Variants in CSNK1G3 observed in about 807,000 individuals in gnomAD.
CSNK1G3 encodes the protein casein kinase 1 gamma 3, also known as casein kinase I isoform gamma-3.
CSNK1G3 carries 23 observed loss-of-function variants against 64.3 expected under a neutral mutation model. The observed-to-expected ratio is 0.36, with a 90% CI of 0.26 to 0.51. CSNK1G3 has a LOEUF of 0.51. Among genes scored for constraint, CSNK1G3 ranks in the 20% least tolerant of loss-of-function variants. The probability of loss-of-function intolerance (pLI) is 0.96; values close to 1 mark genes in which losing one functional copy is unlikely to be tolerated. For missense variants in CSNK1G3, 357 were observed against 510.5 expected, an observed-to-expected ratio of 0.70 and a Z score of 2.90; for synonymous variants, 158 against 162.2, an observed-to-expected ratio of 0.97 and a Z score of 0.20.
intron 12 of CSNK1G3, among the ~76,000 whole-genome samples, 173 bp from the exon 14 acceptor site, chr5:123,614,169 T>C (rs1749040489): frequency 6.6e-6 from 1 of 152,226 alleles, no homozygotes; most frequent in Non-Finnish European, 1.5e-5. Context: ...GAATGAAACA[T>C]AATAGTAATA....
chr5:123,577,592 C>G (rs1789429551), intron 6 of CSNK1G3, among the ~76,000 whole-genome samples: 1 of 151,614 alleles, frequency 6.6e-6, no homozygotes, highest in Non-Finnish European at 1.5e-5. Context: ...TCACTACTTA[C>G]AATATATTTA....
chr5:123,517,931 GAAAAA>G (rs529062252), intron 1 of CSNK1G3, among the ~76,000 whole-genome samples: 3 of 106,488 alleles, frequency 2.8e-5, no homozygotes, highest in Non-Finnish European at 6.1e-5. Context: ...TCCTCTTTAA[GAAAAA>G]AAAAAAAAAA....
At chr5:123,592,997 A>G (rs1362441200) in intron 10 of CSNK1G3, among the ~76,000 whole-genome samples, 1 of 151,920 alleles carries the variant, frequency 6.6e-6, no homozygotes, top group African/African-American at 2.4e-5. Context: ...ATTCTTTGAA[A>G]TTCTCCACTT....
At chr5:123,535,509 T>C (rs1240574733) in intron 1 of CSNK1G3, among the ~76,000 whole-genome samples, 1 of 152,068 alleles carries the variant, frequency 6.6e-6, no homozygotes, top group Non-Finnish European at 1.5e-5. Flanking sequence ...ATACTAAGAC[T>C]CTTACTAAGA....
intron 4 of CSNK1G3, among the ~76,000 whole-genome samples, chr5:123,561,068 C>T (rs1048295338): frequency 2.6e-5 from 4 of 152,008 alleles, no homozygotes; most frequent in African/African-American, 4.8e-5. Context: ...TGGTTTTGCC[C>T]GTTTGGGTTT....
At chr5:123,593,823 T>TA (rs1792901487) in intron 10 of CSNK1G3, among the ~76,000 whole-genome samples, 1 of 152,284 alleles carries the variant, frequency 6.6e-6, no homozygotes, top group African/African-American at 2.4e-5. Context: ...TTCATGTGTC[T>TA]ACTTGAATTT....
chr5:123,573,911 G>A (rs1788619168), intron 5 of CSNK1G3, among the ~76,000 whole-genome samples: 1 of 150,208 alleles, frequency 6.7e-6, no homozygotes. Flanking sequence ...GAGCGGTGGC[G>A]AGATCTTGGC....
At chr5:123,612,417 A>G (rs1286224499) in intron 12 of CSNK1G3, among the ~76,000 whole-genome samples, 1 of 152,188 alleles carries the variant, frequency 6.6e-6, no homozygotes, top group Non-Finnish European at 1.5e-5. Flanking sequence ...AGAAGTATAT[A>G]AAACATACCT....
At chr5:123,573,198 C>A (rs1052991778) in intron 4 of CSNK1G3, among the ~76,000 whole-genome samples, 195 bp from the exon 5 acceptor site, 1 of 152,098 alleles carries the variant, frequency 6.6e-6, no homozygotes, top group South Asian at 2.1e-4. Flanking sequence ...AGAGGTGTAT[C>A]CAGGCTACAA....
At chr5:123,558,702 A>G (rs1232637871) in intron 4 of CSNK1G3, among the ~76,000 whole-genome samples, 1 of 152,252 alleles carries the variant, frequency 6.6e-6, no homozygotes, top group East Asian at 1.9e-4. Context: ...TAAGTCTGAT[A>G]CAGACAGGCC....
intron 1 of CSNK1G3, among the ~76,000 whole-genome samples, chr5:123,519,176 C>T (rs942010713): frequency 1.3e-5 from 2 of 152,276 alleles, no homozygotes; most frequent in South Asian, 4.1e-4. Context: ...GCCTCAGCAT[C>T]CTGAGTAGCT....
chr5:123,532,328 T>A (rs1435948281), intron 1 of CSNK1G3, among the ~76,000 whole-genome samples: 2 of 151,916 alleles, frequency 1.3e-5, no homozygotes, highest in Non-Finnish European at 2.9e-5. Flanking sequence ...AAATCTTTTC[T>A]TCATCCTTTT....
At position 123,563,586 on chromosome 5, in the gene CSNK1G3, C is replaced by T. The variant is rs78701620; in HGVS notation, c.289+6022C>T. Among the ~76,000 whole-genome samples, 38 of 152,048 alleles carry T rather than the reference C, an allele frequency of 2.5e-4. No homozygotes were observed. The East Asian group carries it at 4.8e-3, about 19-fold the overall frequency. ...TGAACGTTGGTGATTTTGTAATATA[C>T]GGAAATTTTATTGTACTGTTCACTT... On this transcript the variant is annotated intron_variant, in intron 4 of 12. Transcript: ENST00000345990.
At chr5:123,549,154 ATG>A (rs1284029648) in intron 2 of CSNK1G3, among the ~76,000 whole-genome samples, 1 of 152,178 alleles carries the variant, frequency 6.6e-6, no homozygotes, top group African/African-American at 2.4e-5. Context: ...GTTTTATTTT[ATG>A]TGTTGGTAGT....
At chr5:123,543,040 CTGTGACAGCTTTGTTTCT>C (rs1041008879) in intron 1 of CSNK1G3, among the ~76,000 whole-genome samples, 2 of 151,914 alleles carry the variant, frequency 1.3e-5, no homozygotes, top group African/African-American at 4.8e-5. Flanking sequence ...AGTCTGTCTC[CTGTGACAGCTTTGTTTCT>C]TGACCATGGG....
intron 1 of CSNK1G3, among the ~76,000 whole-genome samples, chr5:123,534,197 G>T (rs1780430318): frequency 6.6e-6 from 1 of 151,962 alleles, no homozygotes; most frequent in Non-Finnish European, 1.5e-5. Context: ...TATTATATAA[G>T]AATACCCTTA....
At chr5:123,528,388 T>TTGCAGAATG in intron 1 of CSNK1G3, among the ~76,000 whole-genome samples, 2 of 152,328 alleles carry the variant, frequency 1.3e-5, no homozygotes, top group East Asian at 3.9e-4. Context: ...GGTTGTTCAT[T>TTGCAGAATG]CATTTATTCA....
At chr5:123,567,116 C>A (rs1199825786) in intron 4 of CSNK1G3, among the ~76,000 whole-genome samples, 2 of 152,102 alleles carry the variant, frequency 1.3e-5, no homozygotes, top group African/African-American at 4.8e-5. Context: ...AGGCAAACTC[C>A]CATTTTTAAA....
intron 10 of CSNK1G3, among the ~76,000 whole-genome samples, chr5:123,593,779 G>A (rs1436064579): frequency 6.6e-6 from 1 of 151,970 alleles, no homozygotes; most frequent in East Asian, 1.9e-4. Flanking sequence ...ATTTTGCATT[G>A]TACAATTTAG....
Sources: gnomAD v4.1 joint callset for allele counts (sites outside exome capture counted in the v4.1 genomes callset) on GRCh38, gnomAD v4.1.1 for gene constraint, MANE v1.5 for transcripts, NCBI Gene and HGNC (gene_info 2026-07-23, HGNC 2026-07-21) for gene names.